Variants in CHRM3 observed in about 807,000 individuals in gnomAD.
CHRM3 encodes the protein cholinergic receptor muscarinic 3, also known as muscarinic acetylcholine receptor M3.
CHRM3 carries 11 observed loss-of-function variants against 41.8 expected under a neutral mutation model. The ratio of observed to expected loss-of-function variants is 0.26; its 90% CI spans 0.17 to 0.44. CHRM3 has a LOEUF of 0.44. Ranked by LOEUF, CHRM3 falls within the 20% of genes least tolerant of loss-of-function variation. The pLI is 1.00. For synonymous variants in CHRM3, 297 were observed against 301.4 expected, an observed-to-expected ratio of 0.99 and a Z score of 0.15; for missense variants, 571 against 745.4, an observed-to-expected ratio of 0.77 and a Z score of 2.72.
intron 5 of CHRM3, among the ~76,000 whole-genome samples, chr1:239,795,802 A>C (rs936304957): frequency 6.6e-6 from 1 of 152,206 alleles, no homozygotes; most frequent in Non-Finnish European, 1.5e-5. Context: ...CCAGATTTGG[A>C]GAGATCATGT....
At chr1:239,898,591 T>C (rs1679210871) in intron 6 of CHRM3, among the ~76,000 whole-genome samples, 1 of 152,296 alleles carries the variant, frequency 6.6e-6, no homozygotes, top group African/African-American at 2.4e-5. Context: ...AAAAAAATAA[T>C]TATTATTATA....
intron 5 of CHRM3, among the ~76,000 whole-genome samples, chr1:239,769,000 A>G (rs1359619101): frequency 6.6e-6 from 1 of 152,016 alleles, no homozygotes. Context: ...CCTGACCTCA[A>G]GTGATCCACC....
At chr1:239,429,486 G>T (rs1662651768) in intron 1 of CHRM3, among the ~76,000 whole-genome samples, 1 of 152,066 alleles carries the variant, frequency 6.6e-6, no homozygotes, top group Non-Finnish European at 1.5e-5. Flanking sequence ...GATCAAAAAG[G>T]CTAGCTGTGA....
intron 5 of CHRM3, among the ~76,000 whole-genome samples, chr1:239,695,653 ATAT>A (rs1660113876): frequency 6.6e-6 from 1 of 151,984 alleles, no homozygotes; most frequent in Admixed American, 6.5e-5. Flanking sequence ...ATTTTTAAAA[ATAT>A]TATTATATTT....
At chr1:239,429,415 T>C (rs1247148189) in intron 1 of CHRM3, among the ~76,000 whole-genome samples, 2 of 152,168 alleles carry the variant, frequency 1.3e-5, no homozygotes, top group East Asian at 3.9e-4. Flanking sequence ...GATTGTTAAG[T>C]CATTATCTGT....
At chr1:239,592,400 C>T (rs1004845489) in intron 3 of CHRM3, among the ~76,000 whole-genome samples, 2 of 152,028 alleles carry the variant, frequency 1.3e-5, no homozygotes, top group African/African-American at 4.8e-5. Flanking sequence ...ATCTCCATTA[C>T]CCTAAAAAAG....
chr1:239,907,985 C>A lies in CHRM3; in HGVS notation c.534C>A (p.Ala178=), dbSNP rs775460655. 6.2e-7 allele frequency: 1 copy of A among 1,614,168 alleles called. No homozygotes were observed. Among genetic ancestry groups the A allele is most frequent in the Non-Finnish European group, 8.5e-7 (1 of 1,180,036 alleles). ...FSITRPLTYR[A]KRTTKRAGVM... Reference sequence around the variant, plus strand: ...TCACGAGGCCGCTCACGTACCGAGCCAAACGAACAACAAAGAGAGCCGGTG... The same window carrying A: ...TCACGAGGCCGCTCACGTACCGAGCAAAACGAACAACAAAGAGAGCCGGTG... The change falls in exon 7 of 7, where the codon GCC becomes GCA. Residue 178 remains alanine (A), a synonymous_variant. Coordinates refer to ENST00000676153, the MANE Select transcript of CHRM3 (RefSeq NM_001375978.1). This position sits in a 1 kb window ranked among gnomAD's most constrained non-coding sequence, Gnocchi z 5.4.
At chr1:239,851,043 T>C (rs1674658788) in intron 6 of CHRM3, among the ~76,000 whole-genome samples, 1 of 152,040 alleles carries the variant, frequency 6.6e-6, no homozygotes, top group African/African-American at 2.4e-5. Context: ...ACAGTGAAGC[T>C]ACAGAAAAAA....
chr1:239,582,931 G>C (rs1442872742), intron 3 of CHRM3, among the ~76,000 whole-genome samples: 1 of 152,134 alleles, frequency 6.6e-6, no homozygotes, highest in African/African-American at 2.4e-5. Context: ...GCTCTCCAGA[G>C]TCATAGAAGC....
intron 3 of CHRM3, among the ~76,000 whole-genome samples, chr1:239,608,480 T>C (rs925753486): frequency 6.6e-6 from 1 of 152,248 alleles, no homozygotes; most frequent in Admixed American, 6.5e-5. Flanking sequence ...TCCTCCTAGA[T>C]ATTTTCATCT....
intron 1 of CHRM3, among the ~76,000 whole-genome samples, chr1:239,436,583 A>C (rs1290410632): frequency 3.3e-5 from 5 of 151,990 alleles, no homozygotes; most frequent in Non-Finnish European, 7.4e-5. Flanking sequence ...ATTCAGGAAC[A>C]GCCAAGGGAT....
At chr1:239,566,739 G>A (rs184936707) in intron 3 of CHRM3, among the ~76,000 whole-genome samples, 177 of 152,314 alleles carry the variant, frequency 1.2e-3, no homozygotes, top group Admixed American at 2.0e-3. Flanking sequence ...ATGGGGAAAT[G>A]TTTCTAGTTC....
intron 6 of CHRM3, among the ~76,000 whole-genome samples, chr1:239,867,531 C>G (rs1676217666): frequency 1.3e-5 from 2 of 151,942 alleles, no homozygotes; most frequent in Non-Finnish European, 2.9e-5. Flanking sequence ...ACTAAAAATA[C>G]AAAAATTAGC....
intron 6 of CHRM3, among the ~76,000 whole-genome samples, chr1:239,893,119 A>C (rs1678684593): frequency 6.6e-6 from 1 of 152,202 alleles, no homozygotes; most frequent in South Asian, 2.1e-4. Flanking sequence ...ATAGTCTCTT[A>C]ATTCACAGGA....
At chr1:239,395,747 G>A (rs1030831461) in intron 1 of CHRM3, among the ~76,000 whole-genome samples, 6 of 152,112 alleles carry the variant, frequency 3.9e-5, no homozygotes, top group African/African-American at 1.4e-4. Context: ...TTATGTTTTA[G>A]CTTTGTATCT....
intron 5 of CHRM3, among the ~76,000 whole-genome samples, chr1:239,694,935 G>C (rs748500404): frequency 6.6e-6 from 1 of 150,886 alleles, no homozygotes; most frequent in Non-Finnish European, 1.5e-5. Flanking sequence ...TGTCTATGCT[G>C]CAGACCAAAA....
chr1:239,419,050 C>A (rs1661725286), intron 1 of CHRM3, among the ~76,000 whole-genome samples: 1 of 152,058 alleles, frequency 6.6e-6, no homozygotes, highest in Non-Finnish European at 1.5e-5. Flanking sequence ...CCTGGTAGAA[C>A]ACATTTGGGA....
intron 4 of CHRM3, among the ~76,000 whole-genome samples, chr1:239,648,104 ATTATTTC>A (rs1325705379): frequency 6.6e-6 from 1 of 152,144 alleles, no homozygotes; most frequent in Non-Finnish European, 1.5e-5. Context: ...TGCATTTCTC[ATTATTTC>A]CTAACTTCTA....
chr1:239,727,415 A>G (rs1176455878), intron 5 of CHRM3, among the ~76,000 whole-genome samples: 1 of 151,948 alleles, frequency 6.6e-6, no homozygotes, highest in Non-Finnish European at 1.5e-5. Context: ...GGTAGCACCA[A>G]TTGTTTAAAA....
Sources: gnomAD v4.1 joint callset for allele counts (sites outside exome capture counted in the v4.1 genomes callset) on GRCh38, gnomAD v4.1.1 for gene constraint, Gnocchi (gnomAD v3.1) non-coding constraint, MANE v1.5 for transcripts, NCBI Gene and HGNC (gene_info 2026-07-23, HGNC 2026-07-21) for gene names.